The following BICC1 variants were observed in gnomAD, a reference collection of about 807,000 sequenced individuals.
BICC1 encodes protein bicaudal C homolog 1.
BICC1 carries 43 observed loss-of-function variants against 111.0 expected under a neutral mutation model. The ratio of observed to expected loss-of-function variants is 0.39; its 90% CI spans 0.30 to 0.50. The LOEUF (loss-of-function observed/expected upper bound fraction) is 0.50, where lower values mean the gene tolerates loss of function less well. Among genes scored for constraint, BICC1 ranks in the 20% least tolerant of loss-of-function variants. The probability of loss-of-function intolerance (pLI) is 0.88; values close to 1 mark genes in which losing one functional copy is unlikely to be tolerated. For missense variants in BICC1, 1,091 were observed against 1,203.2 expected (o/e 0.91, Z 1.38); for synonymous variants, 467 against 434.4 (o/e 1.07, Z -0.93).
intron 1 of BICC1, among the ~76,000 whole-genome samples, chr10:58,570,937 T>G (rs557930572): frequency 1.3e-5 from 2 of 152,166 alleles, no homozygotes; most frequent in Non-Finnish European, 2.9e-5. Flanking sequence ...GCTGCTGATC[T>G]TGTTTTGCTC....
chr10:58,805,388 A>G (rs1843681133), intron 15 of BICC1, among the ~76,000 whole-genome samples: 1 of 152,200 alleles, frequency 6.6e-6, no homozygotes, highest in Admixed American at 6.5e-5. Flanking sequence ...AGCTGAGCAT[A>G]GTCTCTTTAA....
chr10:58,730,481 CCTT>C (rs1282939811), intron 3 of BICC1, among the ~76,000 whole-genome samples: 2 of 152,054 alleles, frequency 1.3e-5, no homozygotes, highest in African/African-American at 4.8e-5. Flanking sequence ...AGGACAGTGG[CCTT>C]CTACTCACAG....
chr10:58,532,104 A>G (rs1387008743), intron 1 of BICC1, among the ~76,000 whole-genome samples: 2 of 151,848 alleles, frequency 1.3e-5, no homozygotes, highest in African/African-American at 4.8e-5. Context: ...GATGAAACTA[A>G]AGAAATTCAC....
chr10:58,758,537 A>G (rs930974463), intron 3 of BICC1, among the ~76,000 whole-genome samples: 5 of 152,196 alleles, frequency 3.3e-5, no homozygotes, highest in African/African-American at 1.2e-4. Context: ...AAGGCAGTTC[A>G]CTGTTCTTCT....
At chr10:58,687,907 A>G (rs887346108) in intron 2 of BICC1, among the ~76,000 whole-genome samples, 2 of 152,158 alleles carry the variant, frequency 1.3e-5, no homozygotes, top group Non-Finnish European at 2.9e-5. Flanking sequence ...TCAGTTGGAA[A>G]TGCAGAAATT....
intron 2 of BICC1, among the ~76,000 whole-genome samples, chr10:58,638,999 T>A (rs556399008): frequency 6.6e-6 from 1 of 152,162 alleles, no homozygotes; most frequent in Admixed American, 6.5e-5. Flanking sequence ...GTGTACATAT[T>A]TCATTGTATA....
chr10:58,699,078 G>T (rs1840152762), intron 2 of BICC1, among the ~76,000 whole-genome samples: 1 of 152,226 alleles, frequency 6.6e-6, no homozygotes, highest in Non-Finnish European at 1.5e-5. Flanking sequence ...AGTCATATAG[G>T]AGAGGTCAGC....
intron 1 of BICC1, among the ~76,000 whole-genome samples, chr10:58,588,558 G>A (rs905798317): frequency 1.3e-5 from 2 of 152,126 alleles, no homozygotes; most frequent in Admixed American, 1.3e-4. Flanking sequence ...GATGGAGAGG[G>A]AAGAAAGGCA....
intron 1 of BICC1, among the ~76,000 whole-genome samples, chr10:58,517,768 T>TA (rs1407167023): frequency 2.6e-5 from 4 of 152,194 alleles, no homozygotes; most frequent in Admixed American, 2.6e-4. Context: ...TGGTAGTACT[T>TA]ACCTCCTGAG....
chr10:58,679,504 A>T (rs1490051000), intron 2 of BICC1, among the ~76,000 whole-genome samples: 1 of 152,198 alleles, frequency 6.6e-6, no homozygotes, highest in Non-Finnish European at 1.5e-5. Context: ...CGAATCCCTA[A>T]ATAGACCAAT....
intron 3 of BICC1, among the ~76,000 whole-genome samples, chr10:58,743,730 G>T (rs1040868090): frequency 8.6e-5 from 13 of 151,526 alleles, no homozygotes; most frequent in African/African-American, 3.1e-4. Flanking sequence ...ATTTTTCATG[G>T]AAAGGAAATT....
intron 1 of BICC1, among the ~76,000 whole-genome samples, chr10:58,586,732 C>G (rs930041151): frequency 3.9e-5 from 6 of 151,956 alleles, no homozygotes; most frequent in Non-Finnish European, 7.4e-5. Context: ...CATATACATG[C>G]AAATGAATAT....
intron 1 of BICC1, among the ~76,000 whole-genome samples, chr10:58,545,677 CT>C (rs557504288): frequency 1.3e-5 from 2 of 152,120 alleles, no homozygotes; most frequent in Non-Finnish European, 2.9e-5. Flanking sequence ...GTGTAAGTGC[CT>C]TTTTATTGTG....
intron 2 of BICC1, among the ~76,000 whole-genome samples, chr10:58,663,963 A>G (rs1234684736): frequency 2.6e-5 from 4 of 152,060 alleles, no homozygotes; most frequent in Non-Finnish European, 4.4e-5. Flanking sequence ...ACATTCATTC[A>G]CTAGTTGATG....
intron 1 of BICC1, among the ~76,000 whole-genome samples, chr10:58,548,435 A>G (rs1484240105): frequency 2.6e-5 from 4 of 152,158 alleles, no homozygotes; most frequent in Admixed American, 2.6e-4. Context: ...TATTTTATAC[A>G]TTTGCTAGAT....
chr10:58,785,291 C>G (rs1025675101), intron 4 of BICC1, among the ~76,000 whole-genome samples: 2 of 152,052 alleles, frequency 1.3e-5, no homozygotes, highest in Non-Finnish European at 2.9e-5. Context: ...TATACATACA[C>G]ACACACACAC....
chr10:58,604,412 G>A (rs1393776213), intron 1 of BICC1, among the ~76,000 whole-genome samples: 1 of 152,186 alleles, frequency 6.6e-6, no homozygotes, highest in Non-Finnish European at 1.5e-5. Context: ...GCTCATGCCT[G>A]TAATCCCAGC....
At chr10:58,648,533 T>A (rs1296137240) in intron 2 of BICC1, 4 of 985,362 alleles carry the variant, frequency 4.1e-6, no homozygotes, top group African/African-American at 1.7e-5. Context: ...TATAAATATG[T>A]CTGTTGCTTT....
intron 1 of BICC1, among the ~76,000 whole-genome samples, chr10:58,516,416 A>T (rs937952578): frequency 6.6e-6 from 1 of 152,186 alleles, no homozygotes; most frequent in Non-Finnish European, 1.5e-5. Context: ...TTCTTAGATG[A>T]TCATTAAAAC....
Sources: gnomAD v4.1 joint callset for allele counts (sites outside exome capture counted in the v4.1 genomes callset) on GRCh38, gnomAD v4.1.1 for gene constraint, MANE v1.5 for transcripts, NCBI Gene and HGNC (gene_info 2026-07-23, HGNC 2026-07-21) for gene names.